The following CPNE5 variants were observed in gnomAD, a reference collection of about 807,000 sequenced individuals.
The protein encoded by CPNE5 is copine 5, also known as copine-5.
A neutral mutation model predicts 81.1 loss-of-function variants in CPNE5; 42 were observed. That is an observed-to-expected ratio of 0.52 (90% CI 0.40 to 0.67). The LOEUF (loss-of-function observed/expected upper bound fraction) is 0.67. Among genes scored for constraint, CPNE5 ranks in the 30% least tolerant of loss-of-function variants. The pLI is 0.00. For missense variants in CPNE5, 612 were observed against 815.5 expected (o/e 0.75, Z 3.04); for synonymous variants, 313 against 321.5 (o/e 0.97, Z 0.28).
chr6:36,785,848 AC>A (rs1479775156), intron 8 of CPNE5, among the ~76,000 whole-genome samples: 1 of 152,078 alleles, frequency 6.6e-6, no homozygotes, highest in African/African-American at 2.4e-5. Flanking sequence ...CCCCGTCTCT[AC>A]CAAAAACACA....
chr6:36,808,081 G>T (rs1308105061), intron 3 of CPNE5, among the ~76,000 whole-genome samples: 1 of 148,274 alleles, frequency 6.7e-6, no homozygotes, highest in Non-Finnish European at 1.5e-5. Flanking sequence ...GTTGCTTCCA[G>T]ATTTCTTTTC....
chr6:36,742,830 C>T (rs371820180), intron 20 of CPNE5: 13 of 985,320 alleles, frequency 1.3e-5, no homozygotes, highest in Non-Finnish European at 1.6e-5. Flanking sequence ...TTCTGGGGCA[C>T]GTGCCCTCCT....
intron 11 of CPNE5, among the ~76,000 whole-genome samples, chr6:36,764,844 G>A (rs975154744): frequency 6.6e-6 from 1 of 152,160 alleles, no homozygotes; most frequent in Non-Finnish European, 1.5e-5. Context: ...AGGGCTGTAC[G>A]GGTACAATTG....
rs1763625702 is a variant in CPNE5, at chr6:36,742,170, CA to C, written c.*97del. The C allele has an allele frequency of 1.1e-6, 1 of 937,054 alleles. No individual in the cohort carries two copies. Among genetic ancestry groups the C allele is most frequent in the East Asian group, 2.6e-5 (1 of 38,732 alleles). The allele number at this position is 937,054 out of a possible 1,614,324, so 58.0% of individuals were successfully genotyped here. ...CAGCCTCCCAGGCACACAGATGTCC[CA>C]AAGGCCGGGCAGGCCAACTTCGGGG... On this transcript the variant is annotated 3_prime_UTR_variant, in exon 21 of 21. Coordinates refer to ENST00000244751, the MANE Select transcript of CPNE5 (RefSeq NM_020939.2).
chr6:36,836,790 G>T (rs1219503004), intron 1 of CPNE5, among the ~76,000 whole-genome samples: 1 of 151,864 alleles, frequency 6.6e-6, no homozygotes, highest in Non-Finnish European at 1.5e-5. Flanking sequence ...TGAATAGTTG[G>T]GCCTGGCTGA....
chr6:36,753,134 G>T, intron 13 of CPNE5, 39 bp from the exon 14 acceptor site: 1 of 1,565,274 alleles, frequency 6.4e-7, no homozygotes, highest in South Asian at 1.1e-5. Context: ...GGGGAGCCTG[G>T]GGTCAGGGGA....
At chr6:36,777,428 C>T (rs1767611196) in intron 9 of CPNE5, among the ~76,000 whole-genome samples, 1 of 152,090 alleles carries the variant, frequency 6.6e-6, no homozygotes, top group Admixed American at 6.5e-5. Flanking sequence ...GTGCACCCCT[C>T]TCCTGCTCCC....
chr6:36,786,631 T>C (rs571470253), intron 8 of CPNE5, among the ~76,000 whole-genome samples: 1 of 152,362 alleles, frequency 6.6e-6, no homozygotes, highest in African/African-American at 2.4e-5. Context: ...GTATTATTTA[T>C]ATTGTTTCCT....
At chr6:36,812,083 G>A (rs1390841299) in intron 3 of CPNE5, among the ~76,000 whole-genome samples, 1 of 152,130 alleles carries the variant, frequency 6.6e-6, no homozygotes, top group Non-Finnish European at 1.5e-5. Context: ...CAGCCTGGGC[G>A]ACAGAGTGAG....
chr6:36,807,864 C>T (rs942608257), intron 3 of CPNE5, among the ~76,000 whole-genome samples: 14 of 152,146 alleles, frequency 9.2e-5, no homozygotes, highest in African/African-American at 3.4e-4. Flanking sequence ...GAAAAAAGGC[C>T]GCAGAAAACC....
At chr6:36,760,634 A>T (rs236436) in intron 12 of CPNE5, among the ~76,000 whole-genome samples, 114,321 of 152,040 alleles carry the variant, frequency 0.75, 43,231 homozygotes, top group Middle Eastern at 0.84. Flanking sequence ...GGGATGGGGA[A>T]GTTAAGTATG....
At chr6:36,791,959 G>T in intron 8 of CPNE5, 74 bp downstream of exon 8, 1 of 1,331,074 alleles carries the variant, frequency 7.5e-7, no homozygotes, top group Non-Finnish European at 1.1e-6. Context: ...CCCTCCAGGG[G>T]CTCAGGGAGG....
chr6:36,751,536 T>G (rs2150377150), intron 14 of CPNE5, among the ~76,000 whole-genome samples: 1 of 152,310 alleles, frequency 6.6e-6, no homozygotes, highest in East Asian at 1.9e-4. Context: ...ATGCCTGTAA[T>G]CCCAGCACTT....
rs190951707 is a variant in CPNE5 at position 36,773,370 on chromosome 6, G to T, written c.737+1591C>A. Among the ~76,000 whole-genome samples the T allele has an allele frequency of 1.8e-4, 27 of 152,340 alleles. No homozygotes were observed. The East Asian group carries it at 4.6e-3, about 26-fold the overall frequency. On this transcript the variant is annotated intron_variant, in intron 10 of 20. Transcript: ENST00000244751. ...CACAGTCTCACAGCTCCCATTTTGG[G>T]TGGTGGCCCCACTCGCTCTCTCGGC... is the stretch of plus-strand genomic sequence containing the variant.
In CPNE5 at chr6:36,822,164, C is replaced by A. The variant is rs748174455; in HGVS notation, c.137-4G>T. ...CCTTGGGTATACATGACGCACACTG[C>A]GGGGGGAGGAGAAACAGTGGATTAA... On this transcript the variant is annotated splice_region_variant and splice_polypyrimidine_tract_variant and intron_variant, in intron 2 of 20. Transcript: ENST00000244751. 5.3e-6 allele frequency: 8 copies of A among 1,499,762 alleles called. No individual in the cohort carries two copies. The African/African-American group carries it at 9.6e-5, about 18-fold the overall frequency. The allele number at this position is 1,499,762 out of a possible 1,614,324, so 92.9% of individuals were successfully genotyped here. A position where few individuals can be genotyped will look rare whatever the true frequency, so the allele number is the denominator to read the frequency against.
intron 3 of CPNE5, among the ~76,000 whole-genome samples, chr6:36,813,041 T>C (rs1196042583): frequency 6.6e-6 from 1 of 152,212 alleles, no homozygotes; most frequent in African/African-American, 2.4e-5. Flanking sequence ...GGGTTATTTC[T>C]TTTCAGATTT....
chr6:36,778,907 G>A lies in CPNE5; in HGVS notation c.579C>T (p.Phe193=), dbSNP rs1285445702. Residue 193 remains phenylalanine (F), a synonymous_variant, in exon 9 of 21, where the codon TTC becomes TTT. Transcript: ENST00000244751. ...FCANKLDKKD[F]FGKSDPFLVF... ...CCAAGAAGGGGTCAGATTTCCCAAA[G>A]AAATCTTTCTTGTCCAGCTTGTTGG... 6.2e-7 allele frequency: 1 copy of A among 1,606,606 alleles called. No individual in the cohort carries two copies. The highest frequency in any genetic ancestry group is 1.3e-5 in the African/African-American group (1 of 74,838).
At chr6:36,747,502 C>T (rs1382612422) in intron 15 of CPNE5, among the ~76,000 whole-genome samples, 3 of 152,142 alleles carry the variant, frequency 2.0e-5, no homozygotes, top group Admixed American at 2.0e-4. Context: ...GATAACTATC[C>T]TCAGTGTTAT....
rs928255816 is a variant in CPNE5 at position 36,794,753 on chromosome 6, C to G, written c.405-104G>C. On this transcript the variant is annotated intron_variant, in intron 6 of 20. Coordinates refer to ENST00000244751, the MANE Select transcript of CPNE5 (RefSeq NM_020939.2). ...AGATGCTTGGAGACAAGCGGCTGCTCTGGAAGTCATTAAAACAGGATCAAA... is the reference window on the plus strand; with the variant it reads ...AGATGCTTGGAGACAAGCGGCTGCTGTGGAAGTCATTAAAACAGGATCAAA... 1.2e-4 allele frequency: 123 copies of G among 1,015,746 alleles called. 1 individual carries two copies. In the East Asian group the frequency reaches 2.9e-3, roughly 24 times the overall value. 62.9% of individuals were successfully genotyped at this position (1,015,746 alleles called of 1,614,324 possible).
Sources: allele counts gnomAD v4.1 joint callset (sites outside exome capture counted in the v4.1 genomes callset), GRCh38; gene constraint gnomAD v4.1.1; transcripts MANE v1.5; gene names NCBI Gene and HGNC (gene_info 2026-07-23, HGNC 2026-07-21).